Variants in SLC9A5 observed in about 807,000 individuals in gnomAD.
The protein encoded by SLC9A5 is sodium/hydrogen exchanger 5.
SLC9A5 carries 52 observed loss-of-function variants against 91.7 expected under a neutral mutation model. That is an observed-to-expected ratio of 0.57 (90% confidence interval 0.45 to 0.71). SLC9A5 has a LOEUF of 0.71. SLC9A5 is among the 30% of genes least tolerant of loss of function. SLC9A5 has a pLI of 0.00. For synonymous variants in SLC9A5, 419 were observed against 474.5 expected (o/e 0.88, Z 1.52); for missense variants, 871 against 1,158.9 (o/e 0.75, Z 3.61).
In SLC9A5 at chr16:67,258,144, CCATGA is replaced by C. The variant is rs1450318820; in HGVS notation, c.1497-170_1497-166del. Among the ~76,000 whole-genome samples the C allele has an allele frequency of 6.6e-6, 1 of 152,234 alleles. No homozygotes were observed. The highest frequency in any genetic ancestry group is 1.9e-4 in the East Asian group (1 of 5,196). ...TAATTTCAGTTACTGTCAGCCTTTC[CCATGA>C]CATTGTAAATTCCATGAGGGCAGGG... On this transcript the variant is annotated intron_variant, in intron 9 of 15. Coordinates refer to ENST00000299798, the MANE Select transcript of SLC9A5 (RefSeq NM_004594.3). This position sits in a 1 kb window ranked among gnomAD's most constrained non-coding sequence, Gnocchi z 4.5.
chr16:67,264,169 T>C (rs985975738), intron 12 of SLC9A5, among the ~76,000 whole-genome samples, 183 bp from the exon 13 acceptor site: 87 of 152,368 alleles, frequency 5.7e-4, no homozygotes, highest in African/African-American at 2.1e-3. Context: ...CCCAGGGAAC[T>C]GAGAACACAG....
rs774806957 is a variant in SLC9A5 at position 67,252,504 on chromosome 16, C to T, written c.188-38C>T. 2.6e-6 allele frequency: 4 copies of T among 1,562,670 alleles called. No homozygotes were observed. Among genetic ancestry groups the T allele is most frequent in the Non-Finnish European group, 3.5e-6 (4 of 1,148,332 alleles). On this transcript the variant is annotated intron_variant, in intron 1 of 15. Transcript: ENST00000299798. The surrounding 1 kb of genome is among the most constrained non-coding windows in gnomAD (Gnocchi z 4.0). ...TAGGCCTGTGTGTGGGAGGATATTC[C>T]ATAAACTGATCCATCCTGCACTCTT...
At position 67,255,652 on chromosome 16, in the gene SLC9A5, G is replaced by A; in HGVS notation, c.734-101G>A. On this transcript the variant is annotated intron_variant, in intron 4 of 15. Transcript: ENST00000299798. The surrounding 1 kb of genome is among the most constrained non-coding windows in gnomAD (Gnocchi z 4.9). Reference sequence around the variant, plus strand: ...GCTCTGGGGTTTTGAGCCCCTGGGAGTGCGGTGGGCATCATCCCTCACTCC... The same window carrying A: ...GCTCTGGGGTTTTGAGCCCCTGGGAATGCGGTGGGCATCATCCCTCACTCC... The A allele has an allele frequency of 7.3e-7, 1 of 1,378,938 alleles. No individual in the cohort carries two copies. The allele number at this position is 1,378,938 out of a possible 1,614,324, so 85.4% of individuals were successfully genotyped here.
In SLC9A5 at chr16:67,249,212, G is replaced by T. The variant is rs894154724; in HGVS notation, c.187+11G>T. On this transcript the variant is annotated intron_variant, in intron 1 of 15. Coordinates refer to ENST00000299798, the MANE Select transcript of SLC9A5 (RefSeq NM_004594.3). ...GTCTGGCCAAAATCGGTGAGTGCGTGTGTGCGTGCGCCAGGCCGACCGCCA... is the reference window on the plus strand; with the variant it reads ...GTCTGGCCAAAATCGGTGAGTGCGTTTGTGCGTGCGCCAGGCCGACCGCCA... 6.9e-6 allele frequency: 10 copies of T among 1,447,610 alleles called. No homozygotes were observed. Among genetic ancestry groups the T allele is most frequent in the Non-Finnish European group, 9.1e-6 (10 of 1,101,984 alleles). The allele number at this position is 1,447,610 out of a possible 1,614,324, so 89.7% of individuals were successfully genotyped here. A position where few individuals can be genotyped will look rare whatever the true frequency, so the allele number is the denominator to read the frequency against.
In SLC9A5 at chr16:67,270,803, C is replaced by T. The variant is rs748437319; in HGVS notation, c.2284C>T (p.Leu762Phe). Residue 762 changes from leucine to phenylalanine, a missense_variant, in exon 16 of 16, where the codon CTC becomes TTC. Transcript: ENST00000299798. This position sits in a 1 kb window ranked among gnomAD's most constrained non-coding sequence, Gnocchi z 4.3. ...PPSPTCAEKE[L>F]PWKSGQGDLA... is the part of the protein sequence containing the mutation. ...CTCCCCAACCTGTGCAGAAAAGGAG[C>T]TCCCCTGGAAGAGTGGGCAGGGGGA... is the stretch of plus-strand genomic sequence containing the variant. 5 of 1,613,940 alleles carry T rather than the reference C, an allele frequency of 3.1e-6. No individual in the cohort carries two copies. The Admixed American group carries it at 5.0e-5, about 16-fold the overall frequency.
intron 12 of SLC9A5, chr16:67,263,231 G>A (rs1055857671): frequency 1.3e-5 from 2 of 152,304 alleles, no homozygotes; most frequent in Non-Finnish European, 2.9e-5. Context: ...CTCCCCAGGA[G>A]AGAGGGTACC....
chr16:67,256,527 T>G lies in SLC9A5; in HGVS notation c.970T>G (p.Ser324Ala). 6.2e-7 allele frequency: 1 copy of G among 1,613,916 alleles called. No homozygotes were observed. The highest frequency in any genetic ancestry group is 8.5e-7 in the Non-Finnish European group (1 of 1,180,010). Residue 324 changes from serine (S) to alanine (A), a missense_variant, in exon 6 of 16, where the codon TCA (serine) becomes GCA (alanine). By Grantham distance (99) the Ser-to-Ala change is moderately conservative. This residue lies in a region of SLC9A5 where 454 missense variants were observed against 718.3 expected (regional missense o/e 0.63). Transcript: ENST00000299798. This position sits in a 1 kb window ranked among gnomAD's most constrained non-coding sequence, Gnocchi z 4.1. Reference protein sequence around the residue: ...KYVEANISHKSRTTVKYTMKT... With the variant: ...KYVEANISHKARTTVKYTMKT... ...CGTGGAGGCCAACATCTCCCATAAG[T>G]CACGCACAACTGTCAAATATACAAT...
intron 15 of SLC9A5, 58 bp downstream of exon 15, chr16:67,266,283 C>A: frequency 6.7e-7 from 1 of 1,492,570 alleles, no homozygotes; most frequent in South Asian, 1.4e-5. Context: ...CCTCTCTCTT[C>A]ACTCATGGCC....
At position 67,257,252 on chromosome 16, in the gene SLC9A5, G is replaced by A; in HGVS notation, c.1336-93G>A. On this transcript the variant is annotated intron_variant, in intron 7 of 15. Coordinates refer to ENST00000299798, the MANE Select transcript of SLC9A5 (RefSeq NM_004594.3). The surrounding 1 kb of genome is among the most constrained non-coding windows in gnomAD (Gnocchi z 5.1). ...CCCAGACCTTGAGTGCAGTGGGGTA[G>A]GGGTACTGAAGCTGAAGCCTCATTA... The A allele has an allele frequency of 7.3e-7, 1 of 1,362,682 alleles. No individual in the cohort carries two copies. The highest frequency in any genetic ancestry group is 1.2e-5 in the South Asian group (1 of 83,732). 84.4% of individuals were successfully genotyped at this position (1,362,682 alleles called of 1,614,324 possible). A position where few individuals can be genotyped will look rare whatever the true frequency, so the allele number is the denominator to read the frequency against.
In SLC9A5 at chr16:67,270,829, C is replaced by T. The variant is rs901929038; in HGVS notation, c.2310C>T (p.Asp770=). ...TCCCCTGGAAGAGTGGGCAGGGGGA[C>T]CTGGCAGTGTACGTGTCCTCGGAAA... ...KELPWKSGQG[D]LAVYVSSETT... Residue 770 remains aspartate (D), a synonymous_variant, in exon 16 of 16, where the codon GAC becomes GAT. Coordinates refer to ENST00000299798, the MANE Select transcript of SLC9A5 (RefSeq NM_004594.3). This position sits in a 1 kb window ranked among gnomAD's most constrained non-coding sequence, Gnocchi z 4.3. The T allele has an allele frequency of 1.9e-6, 3 of 1,614,092 alleles. No individual in the cohort carries two copies. Among genetic ancestry groups the T allele is most frequent in the South Asian group, 1.1e-5 (1 of 91,070 alleles).
Position 67,258,497 on chromosome 16 carries a change from GC to G in SLC9A5, c.1626+51del. Reference sequence around the variant, plus strand: ...CCAGTGGTGGGTGGGCAGATGGTCAGCAGAGCAGGACAGAAAGGGGTGGCAA... The same window carrying G: ...CCAGTGGTGGGTGGGCAGATGGTCAGAGAGCAGGACAGAAAGGGGTGGCAA... On this transcript the variant is annotated intron_variant, in intron 10 of 15. Coordinates refer to ENST00000299798, the MANE Select transcript of SLC9A5 (RefSeq NM_004594.3). This position sits in a 1 kb window ranked among gnomAD's most constrained non-coding sequence, Gnocchi z 4.5. 1 of 1,611,344 alleles carries G rather than the reference GC, an allele frequency of 6.2e-7. No individual in the cohort carries two copies. Among genetic ancestry groups the G allele is most frequent in the East Asian group, 2.2e-5 (1 of 44,848 alleles).
intron 15 of SLC9A5, 98 bp downstream of exon 15, chr16:67,266,323 C>A: frequency 1.6e-6 from 2 of 1,234,912 alleles, no homozygotes; most frequent in Non-Finnish European, 2.2e-6. Context: ...TTTTCCTATT[C>A]ACTAGTTTAT....
Position 67,252,662 on chromosome 16 carries a change from A to G in SLC9A5, c.308A>G (p.Glu103Gly). Residue 103 changes from glutamate (E) to glycine (G), a missense_variant, in exon 2 of 16, where the codon GAG (glutamate) becomes GGG (glycine). By Grantham distance (98) the Glu-to-Gly change is moderately conservative (BLOSUM62 -2). This residue lies in a region of SLC9A5 where 454 missense variants were observed against 718.3 expected (regional missense o/e 0.63). Transcript: ENST00000299798. This position sits in a 1 kb window ranked among gnomAD's most constrained non-coding sequence, Gnocchi z 4.0. ...AVAKKAEYQL[E>G]PGTFFLFLLP... ...GCCAAGAAAGCTGAGTACCAGCTGG[A>G]GCCAGGCACCTTCTTCCTCTTCCTG... The G allele has an allele frequency of 1.2e-6, 2 of 1,614,186 alleles. No homozygotes were observed. The highest frequency in any genetic ancestry group is 1.7e-6 in the Non-Finnish European group (2 of 1,180,040).
In SLC9A5 at chr16:67,256,418, G is replaced by A; in HGVS notation, c.912-51G>A. The A allele has an allele frequency of 7.6e-7, 1 of 1,307,512 alleles. No individual in the cohort carries two copies. The highest frequency in any genetic ancestry group is 1.1e-6 in the Non-Finnish European group (1 of 913,224). 81.0% of individuals were successfully genotyped at this position (1,307,512 alleles called of 1,614,324 possible). A position where few individuals can be genotyped will look rare whatever the true frequency, so the allele number is the denominator to read the frequency against. On this transcript the variant is annotated intron_variant, in intron 5 of 15. Transcript: ENST00000299798. This position sits in a 1 kb window ranked among gnomAD's most constrained non-coding sequence, Gnocchi z 4.1. The stretch of plus-strand genomic sequence containing the variant: ...GCAGTATGCTCAAACCCTGGAGGCT[G>A]AGCCCCCTGGAACCCTTCCCCACTT...
At chr16:67,254,992 T>TG in intron 2 of SLC9A5, 29 bp from the exon 3 acceptor site, 1 of 1,592,540 alleles carries the variant, frequency 6.3e-7, no homozygotes, top group Non-Finnish European at 8.6e-7. Flanking sequence ...CTTCAATGAC[T>TG]GGCCTGTCCT....
In SLC9A5 at chr16:67,256,487, G is replaced by T; in HGVS notation, c.930G>T (p.Leu310=). ...CTCCCAGGGTGACCATGTGTGGCCT[G>T]GGCTGTAAGAAGTACGTGGAGGCCA... is the stretch of plus-strand genomic sequence containing the variant. ...SAILAVTMCG[L]GCKKYVEANI... The change falls in exon 6 of 16, where the codon CTG becomes CTT. Residue 310 remains leucine (L), a synonymous_variant. Transcript: ENST00000299798. This position sits in a 1 kb window ranked among gnomAD's most constrained non-coding sequence, Gnocchi z 4.1. 1 of 1,610,978 alleles carries T rather than the reference G, an allele frequency of 6.2e-7. No homozygotes were observed.
chr16:67,268,711 T>TATATATATATATA (rs55635044), intron 15 of SLC9A5, among the ~76,000 whole-genome samples: 23 of 97,514 alleles, frequency 2.4e-4, no homozygotes, highest in African/African-American at 3.3e-4. Flanking sequence ...TATATATATA[T>TATATATATATATA]TTTTACAGTA....
intron 15 of SLC9A5, among the ~76,000 whole-genome samples, chr16:67,268,679 TA>T (rs2035810038): frequency 3.8e-5 from 2 of 52,874 alleles, no homozygotes; most frequent in South Asian, 7.3e-4. Flanking sequence ...TATATATATA[TA>T]TATATATATA....
Position 67,249,201 on chromosome 16 carries a change from G to C in SLC9A5, c.187G>C (p.Val63Leu). The stretch of plus-strand genomic sequence containing the variant: ...CCTGGTGGCCAGTCTGGCCAAAATC[G>C]GTGAGTGCGTGTGTGCGTGCGCCAG... ...WILVASLAKI[V>L]FHLSRKVTSL... Residue 63 changes from valine to leucine, a missense_variant and splice_region_variant, in exon 1 of 16, where the codon GTG (valine) becomes CTG (leucine). Val to Leu is a conservative substitution (Grantham distance 32). Coordinates refer to ENST00000299798, the MANE Select transcript of SLC9A5 (RefSeq NM_004594.3). The C allele has an allele frequency of 6.6e-7, 1 of 1,516,854 alleles. No homozygotes were observed. The allele number at this position is 1,516,854 out of a possible 1,614,324, so 94.0% of individuals were successfully genotyped here.
Sources: allele counts gnomAD v4.1 joint callset (sites outside exome capture counted in the v4.1 genomes callset), GRCh38; gene constraint gnomAD v4.1.1; regional missense constraint gnomAD v4.1.1; non-coding constraint Gnocchi (gnomAD v3.1); transcripts MANE v1.5; gene names NCBI Gene and HGNC (gene_info 2026-07-23, HGNC 2026-07-21).